GALNT9: variants seen among roughly 807,000 people sequenced by gnomAD.
GALNT9 encodes the protein polypeptide N-acetylgalactosaminyltransferase 9.
Under a neutral mutation model 63.1 loss-of-function variants are expected in GALNT9, and 47 were observed. The ratio of observed to expected loss-of-function variants is 0.75; its 90% CI spans 0.59 to 0.95. GALNT9 has a LOEUF of 0.95. GALNT9 is among the 40% of genes least tolerant of loss of function. GALNT9 has a pLI of 0.00. For missense variants in GALNT9, 829 were observed against 874.8 expected, an observed-to-expected ratio of 0.95 and a Z score of 0.66; for synonymous variants, 396 against 365.7, an observed-to-expected ratio of 1.08 and a Z score of -0.94.
At chr12:132,283,089 G>A (rs1880425871) in intron 2 of GALNT9, 1 of 152,234 alleles carries the variant, frequency 6.6e-6, no homozygotes. Context: ...TCCTGACTCA[G>A]AGACGACCCG....
intron 1 of GALNT9, 43 bp downstream of exon 1, chr12:132,328,923 C>T (rs1431048271): frequency 2.0e-6 from 3 of 1,468,300 alleles, no homozygotes; most frequent in African/African-American, 1.4e-5. Flanking sequence ...GGCCACTGTC[C>T]CGGGCAGGGC....
chr12:132,290,489 C>A lies in GALNT9; in HGVS notation c.239-4059G>T, dbSNP rs73473525. Among the ~76,000 whole-genome samples, 382 of 152,266 alleles carry A rather than the reference C, an allele frequency of 2.5e-3. 5 individuals carry two copies. Among genetic ancestry groups the A allele is most frequent in the African/African-American group, 8.9e-3 (371 of 41,530 alleles). ...CTGCCCAGTCCAGGAATAGACAGCA[C>A]AGGAGGAGGAAGCAGAGGCAGAAAC... On this transcript the variant is annotated intron_variant, in intron 1 of 10. Transcript: ENST00000328957.
chr12:132,286,609 G>C lies in GALNT9; in HGVS notation c.239-179C>G. 1 of 1,096,370 alleles carries C rather than the reference G, an allele frequency of 9.1e-7. No homozygotes were observed. The highest frequency in any genetic ancestry group is 1.7e-5 in the South Asian group (1 of 58,230). The allele number at this position is 1,096,370 out of a possible 1,614,324, so 67.9% of individuals were successfully genotyped here. A position where few individuals can be genotyped will look rare whatever the true frequency, so the allele number is the denominator to read the frequency against. ...TTCCAGAAAGTGCAAGGCTGTGCGC[G>C]GAGTGAGAGGGCGGTGCCAGGCGGA... On this transcript the variant is annotated intron_variant, in intron 1 of 10. Coordinates refer to ENST00000328957, the MANE Select transcript of GALNT9 (RefSeq NM_001122636.2). This position sits in a 1 kb window ranked among gnomAD's most constrained non-coding sequence, Gnocchi z 7.4.
intron 6 of GALNT9, among the ~76,000 whole-genome samples, chr12:132,243,432 A>T (rs113388049): frequency 0.055 from 8,116 of 148,352 alleles, 388 homozygotes; most frequent in Middle Eastern, 0.15. Context: ...CGTCTTCCGG[A>T]GCTCTCTCTC....
intron 1 of GALNT9, among the ~76,000 whole-genome samples, chr12:132,290,607 C>G (rs1258461445): frequency 1.4e-5 from 2 of 146,554 alleles, no homozygotes; most frequent in African/African-American, 5.2e-5. Flanking sequence ...CACCCACAAC[C>G]ACAGCACCCA....
intron 5 of GALNT9, 61 bp from the exon 6 acceptor site, chr12:132,248,088 G>C (rs1423967547): frequency 2.7e-5 from 41 of 1,501,890 alleles, no homozygotes; most frequent in Non-Finnish European, 3.6e-5. Flanking sequence ...CTGCCTGCTG[G>C]GCCATGAGCC....
rs1878096214 is a variant in GALNT9, at chr12:132,238,750, C to T, written c.1077+9160G>A. Among the ~76,000 whole-genome samples, 1 of 152,158 alleles carries T rather than the reference C, an allele frequency of 6.6e-6. No individual in the cohort carries two copies. Among genetic ancestry groups the T allele is most frequent in the Non-Finnish European group, 1.5e-5 (1 of 68,014 alleles). ...GGGCCAGGAGAATGACAGCCTGATT[C>T]CTCCGCCCCCTCATCTGCAGGCCAC... On this transcript the variant is annotated intron_variant, in intron 6 of 10. Transcript: ENST00000328957. This position sits in a 1 kb window ranked among gnomAD's most constrained non-coding sequence, Gnocchi z 6.5.
chr12:132,306,096 C>T (rs1881600852), intron 1 of GALNT9, among the ~76,000 whole-genome samples: 1 of 152,230 alleles, frequency 6.6e-6, no homozygotes, highest in South Asian at 2.1e-4. Flanking sequence ...CTGTGGGGAC[C>T]ACACGTTCTT....
In GALNT9 at chr12:132,286,621, C is replaced by A; in HGVS notation, c.239-191G>T. The A allele has an allele frequency of 1.0e-6, 1 of 983,940 alleles. No individual in the cohort carries two copies. Among genetic ancestry groups the A allele is most frequent in the Non-Finnish European group, 1.4e-6 (1 of 695,366 alleles). The allele number at this position is 983,940 out of a possible 1,614,324, so 61.0% of individuals were successfully genotyped here. A position where few individuals can be genotyped will look rare whatever the true frequency, so the allele number is the denominator to read the frequency against. On this transcript the variant is annotated intron_variant, in intron 1 of 10. Transcript: ENST00000328957. This position sits in a 1 kb window ranked among gnomAD's most constrained non-coding sequence, Gnocchi z 7.4. ...CAAGGCTGTGCGCGGAGTGAGAGGG[C>A]GGTGCCAGGCGGAAGAGGGAGGGAT...
chr12:132,227,005 A>C (rs1438197290), intron 6 of GALNT9, among the ~76,000 whole-genome samples: 93 of 145,618 alleles, frequency 6.4e-4, no homozygotes, highest in East Asian at 2.6e-3. Flanking sequence ...CATCCCCCCC[A>C]CACACATACA....
chr12:132,214,307 G>A (rs1019665462), intron 6 of GALNT9, among the ~76,000 whole-genome samples: 3 of 152,234 alleles, frequency 2.0e-5, no homozygotes, highest in South Asian at 2.1e-4. Context: ...TGAAGGGGGC[G>A]AGCAGGAGCG....
In GALNT9 at chr12:132,247,812, TC is replaced by T. The variant is rs782184629; in HGVS notation, c.1077+97del. 2.8e-5 allele frequency: 43 copies of T among 1,518,426 alleles called. No homozygotes were observed. In the African/African-American group the frequency reaches 5.5e-4, roughly 19 times the overall value. The allele number at this position is 1,518,426 out of a possible 1,614,324, so 94.1% of individuals were successfully genotyped here. ...TGCAGCCACACTCGCCCTCACCCCG[TC>T]CCCGGACACCGCGGCCTCACTCGCC... is the stretch of plus-strand genomic sequence containing the variant. On this transcript the variant is annotated intron_variant, in intron 6 of 10. Coordinates refer to ENST00000328957, the MANE Select transcript of GALNT9 (RefSeq NM_001122636.2).
At chr12:132,263,339 T>C (rs577605959) in intron 2 of GALNT9, among the ~76,000 whole-genome samples, 175 of 152,298 alleles carry the variant, frequency 1.1e-3, no homozygotes, top group African/African-American at 4.1e-3. Flanking sequence ...CACTCATCTG[T>C]AGAGGAAAAA....
At chr12:132,326,515 T>G (rs1186629187) in intron 1 of GALNT9, among the ~76,000 whole-genome samples, 1 of 152,156 alleles carries the variant, frequency 6.6e-6, no homozygotes, top group Admixed American at 6.5e-5. Context: ...AGGCAGGGTG[T>G]GGGAAGAACT....
chr12:132,304,296 G>T (rs1881464568), intron 1 of GALNT9, among the ~76,000 whole-genome samples: 1 of 96,444 alleles, frequency 1.0e-5, no homozygotes, highest in Admixed American at 1.0e-4. Flanking sequence ...CCCTCGCCCG[G>T]ACACACCCTC....
chr12:132,311,347 G>C lies in GALNT9; in HGVS notation c.238+17619C>G, dbSNP rs139772723. On this transcript the variant is annotated intron_variant, in intron 1 of 10. Transcript: ENST00000328957. ...ACCTGCCTTCAGGATGTGCAGCCTC[G>C]GCGTGGTCCAAGCAACCATCAAGGC... Among the ~76,000 whole-genome samples the C allele has an allele frequency of 3.7e-4, 57 of 152,238 alleles. No individual in the cohort carries two copies. In the East Asian group the frequency reaches 0.01, roughly 27 times the overall value.
At chr12:132,227,453 C>A (rs1877737953) in intron 6 of GALNT9, among the ~76,000 whole-genome samples, 1 of 152,200 alleles carries the variant, frequency 6.6e-6, no homozygotes, top group African/African-American at 2.4e-5. Flanking sequence ...CAGGCACACG[C>A]ACGCACCACA....
chr12:132,262,813 C>T lies in GALNT9; in HGVS notation c.420-188G>A, dbSNP rs148554059. Among the ~76,000 whole-genome samples, 626 of 152,190 alleles carry T rather than the reference C, an allele frequency of 4.1e-3. 5 individuals are homozygous for T. The highest frequency in any genetic ancestry group is 7.5e-3 in the Non-Finnish European group (507 of 67,992). On this transcript the variant is annotated intron_variant, in intron 2 of 10. Coordinates refer to ENST00000328957, the MANE Select transcript of GALNT9 (RefSeq NM_001122636.2). Reference sequence around the variant, plus strand: ...GACACGGTTTGGGGTGTGGTCAGGGCGCAGCATGAGGGACCCCGGGAGCCA... The same window carrying T: ...GACACGGTTTGGGGTGTGGTCAGGGTGCAGCATGAGGGACCCCGGGAGCCA...
At chr12:132,289,495 C>T (rs1361249921) in intron 1 of GALNT9, among the ~76,000 whole-genome samples, 3 of 152,306 alleles carry the variant, frequency 2.0e-5, no homozygotes, top group African/African-American at 4.8e-5. Flanking sequence ...GTGAGTGTCA[C>T]GTTACACAGC....
Sources: allele counts gnomAD v4.1 joint callset (sites outside exome capture counted in the v4.1 genomes callset), GRCh38; gene constraint gnomAD v4.1.1; non-coding constraint Gnocchi (gnomAD v3.1); transcripts MANE v1.5; gene names NCBI Gene and HGNC (gene_info 2026-07-23, HGNC 2026-07-21).